Variants in SNRPB observed in about 807,000 individuals in gnomAD.
The protein encoded by SNRPB is small nuclear ribonucleoprotein-associated proteins B and B'.
A neutral mutation model predicts 26.6 loss-of-function variants in SNRPB; 5 were observed. The ratio of observed to expected loss-of-function variants is 0.19; its 90% CI spans 0.10 to 0.39. SNRPB has a LOEUF of 0.39. SNRPB is among the 10% of genes least tolerant of loss of function. The pLI is 1.00. For missense variants in SNRPB, 211 were observed against 311.9 expected (o/e 0.68, Z 2.44); for synonymous variants, 122 against 105.8 (o/e 1.15, Z -0.94).
chr20:2,467,394 C>G, intron 2 of SNRPB: 1 of 646,384 alleles, frequency 1.5e-6, no homozygotes, highest in African/African-American at 1.8e-5. Flanking sequence ...CCTAGCAGCC[C>G]TTCACAACTT....
Position 2,463,108 on chromosome 20 carries a change from G to A in SNRPB, c.540C>T (p.Gly180=), listed in dbSNP as rs1889590299. Residue 180 remains glycine, a synonymous_variant, in exon 5 of 7, where the codon GGC becomes GGT. Transcript: ENST00000381342. The surrounding 1 kb of genome is among the most constrained non-coding windows in gnomAD (Gnocchi z 5.0). The part of the protein sequence containing the change: ...PGRGGPPPPM[G]RGAPPPGMMG... ...CCTCACCTGGAGGGGGTGCTCCTCG[G>A]CCCATAGGTGGGGGAGGACCCCCAC... is the stretch of plus-strand genomic sequence containing the variant. 1 of 1,590,938 alleles carries A rather than the reference G, an allele frequency of 6.3e-7. No individual in the cohort carries two copies. Among genetic ancestry groups the A allele is most frequent in the Non-Finnish European group, 8.6e-7 (1 of 1,168,914 alleles).
chr20:2,466,592 G>A lies in SNRPB; in HGVS notation c.156-773C>T, dbSNP rs181661684. Among the ~76,000 whole-genome samples the A allele has an allele frequency of 2.8e-3, 430 of 152,218 alleles. 2 individuals are homozygous for A. The highest frequency in any genetic ancestry group is 3.0e-3 in the Non-Finnish European group (204 of 68,026). ...TATATTAACTGGTTGTCTGTGGATG[G>A]ACAGTTTTTCCCTTTTTTGGCTCAC... On this transcript the variant is annotated intron_variant, in intron 2 of 6. Transcript: ENST00000381342.
Position 2,462,699 on chromosome 20 carries a change from C to T in SNRPB, c.622G>A (p.Gly208Arg), listed in dbSNP as rs986571930. ...GGCATGCCCATTGGAGTCCCTCTTC[C>T]AGGGGGGATCCCCATTGGGGGACCC... ...PMGPPMGIPP[G>R]RGTPMGMPPP... The change falls in exon 6 of 7, where the codon GGA becomes AGA. Residue 208 changes from glycine to arginine, a missense_variant. Physicochemically the swap from Gly to Arg is moderately radical, Grantham distance 125. Transcript: ENST00000381342. 6.3e-7 allele frequency: 1 copy of T among 1,597,666 alleles called. No individual in the cohort carries two copies. Among genetic ancestry groups the T allele is most frequent in the Non-Finnish European group, 8.6e-7 (1 of 1,167,042 alleles).
rs774561427 is a variant in SNRPB, at chr20:2,467,680, T to G, written c.82A>C (p.Ile28Leu). 1.2e-6 allele frequency: 2 copies of G among 1,614,156 alleles called. No homozygotes were observed. Among genetic ancestry groups the G allele is most frequent in the South Asian group, 1.1e-5 (1 of 91,082 alleles). The change falls in exon 2 of 7, where the codon ATT becomes CTT. Residue 28 changes from isoleucine (I) to leucine (L), a missense_variant. Ile to Leu is a conservative substitution (Grantham distance 5). Coordinates refer to ENST00000381342, the MANE Select transcript of SNRPB (RefSeq NM_003091.4). ...TTGTCAAAAGCCTTGAAGGTGCCAA[T>G]GAAGATCCGGCCGTCCTGCAGGATG... ...RCILQDGRIF[I>L]GTFKAFDKHM...
chr20:2,465,514 A>T (rs2085067039), intron 3 of SNRPB, among the ~76,000 whole-genome samples, 194 bp downstream of exon 3: 1 of 150,690 alleles, frequency 6.6e-6, no homozygotes, highest in African/African-American at 2.4e-5. Flanking sequence ...CCTCCCTGAG[A>T]GCTGGGATTA....
intron 1 of SNRPB, among the ~76,000 whole-genome samples, chr20:2,468,818 C>G (rs560928712): frequency 1.3e-5 from 2 of 152,130 alleles, no homozygotes; most frequent in Admixed American, 6.5e-5. Context: ...CCCAGCTACT[C>G]GGGAGACTGA....
chr20:2,464,762 C>T (rs1314950928), intron 3 of SNRPB, among the ~76,000 whole-genome samples: 3 of 151,922 alleles, frequency 2.0e-5, no homozygotes, highest in Admixed American at 6.6e-5. Context: ...CCCCGCTACT[C>T]GGGAGGCTGA....
Position 2,461,838 on chromosome 20 carries a change from G to A in SNRPB, c.*91C>T. The A allele has an allele frequency of 6.2e-7, 1 of 1,613,956 alleles. No individual in the cohort carries two copies. Among genetic ancestry groups the A allele is most frequent in the Non-Finnish European group, 8.5e-7 (1 of 1,179,850 alleles). On this transcript the variant is annotated 3_prime_UTR_variant, in exon 7 of 7. Transcript: ENST00000381342. ...ATCCCATGAGACTCCACGAACAACAGCATAAGAAACAAACAGGTCTGTGGT... is the reference window on the plus strand; with the variant it reads ...ATCCCATGAGACTCCACGAACAACAACATAAGAAACAAACAGGTCTGTGGT...
At chr20:2,470,394 T>C (rs538603280) in intron 1 of SNRPB, among the ~76,000 whole-genome samples, 1 of 152,238 alleles carries the variant, frequency 6.6e-6, no homozygotes, top group Non-Finnish European at 1.5e-5. Flanking sequence ...AAAAGTTAAC[T>C]TAGTGCCTAC....
At position 2,463,230 on chromosome 20, in the gene SNRPB, A is replaced by T. The variant is rs1365876465; in HGVS notation, c.421-3T>A. 6.2e-7 allele frequency: 1 copy of T among 1,608,328 alleles called. No homozygotes were observed. Among genetic ancestry groups the T allele is most frequent in the Admixed American group, 1.7e-5 (1 of 60,002 alleles). ...CCTCTTCCTTGTGGGGTCATCACCT[A>T]AGAGGACATAAGAAGAAAGAGTTAG... On this transcript the variant is annotated splice_region_variant and splice_polypyrimidine_tract_variant and intron_variant, in intron 4 of 6. Coordinates refer to ENST00000381342, the MANE Select transcript of SNRPB (RefSeq NM_003091.4). This position sits in a 1 kb window ranked among gnomAD's most constrained non-coding sequence, Gnocchi z 5.0.
intron 2 of SNRPB, 84 bp downstream of exon 2, chr20:2,467,523 C>T (rs57429348): frequency 1.5e-6 from 2 of 1,292,952 alleles, no homozygotes; most frequent in Admixed American, 1.9e-5. Flanking sequence ...AACCAACTAG[C>T]TACATCACCA....
Position 2,461,649 on chromosome 20 carries a change from C to G in SNRPB, c.*280G>C. On this transcript the variant is annotated 3_prime_UTR_variant, in exon 7 of 7. Coordinates refer to ENST00000381342, the MANE Select transcript of SNRPB (RefSeq NM_003091.4). ...GATCCATAGGTGCAATTATAATGTT[C>G]TCTTAAGAGTTTATTATAAACCAGT... The G allele has an allele frequency of 1.4e-6, 1 of 728,396 alleles. No individual in the cohort carries two copies. The highest frequency in any genetic ancestry group is 2.2e-6 in the Non-Finnish European group (1 of 451,434). The allele number at this position is 728,396 out of a possible 1,614,324, so 45.1% of individuals were successfully genotyped here. A position where few individuals can be genotyped will look rare whatever the true frequency, so the allele number is the denominator to read the frequency against.
chr20:2,465,088 T>G (rs558674130), intron 3 of SNRPB, among the ~76,000 whole-genome samples: 80 of 152,256 alleles, frequency 5.3e-4, no homozygotes, highest in Non-Finnish European at 8.2e-4. Context: ...GATGAGAATT[T>G]ATCTCTAAAG....
In SNRPB at chr20:2,465,029, C is replaced by G. The variant is rs141784041; in HGVS notation, c.267+679G>C. On this transcript the variant is annotated intron_variant, in intron 3 of 6. Transcript: ENST00000381342. Reference sequence around the variant, plus strand: ...AAATGTCAGTTTCACCACTTAGTGGCTGTGGCACCTTGGGCAAGTTACTAA... The same window carrying G: ...AAATGTCAGTTTCACCACTTAGTGGGTGTGGCACCTTGGGCAAGTTACTAA... 2.6e-5 allele frequency among the ~76,000 whole-genome samples: 4 copies of G among 152,308 alleles called. No homozygotes were observed. In the East Asian group the frequency reaches 7.7e-4, roughly 29 times the overall value.
rs13040815 is a variant in SNRPB, at chr20:2,465,406, T to G, written c.267+302A>C. ...GGGTAACCTCTTTTTTTTTTTTTTGTCTTTTTTTTTTTCTTCCTTTTTCTG... is the reference window on the plus strand; with the variant it reads ...GGGTAACCTCTTTTTTTTTTTTTTGGCTTTTTTTTTTTCTTCCTTTTTCTG... On this transcript the variant is annotated intron_variant, in intron 3 of 6. Transcript: ENST00000381342. Among the ~76,000 whole-genome samples the G allele has an allele frequency of 2.1e-3, 96 of 46,468 alleles. 1 individual carries two copies. Among genetic ancestry groups the G allele is most frequent in the African/African-American group, 6.9e-3 (85 of 12,360 alleles). The allele number at this position is 46,468 out of a possible 152,430, so 30.5% of individuals were successfully genotyped here.
chr20:2,466,643 C>G (rs1225374846), intron 2 of SNRPB, among the ~76,000 whole-genome samples: 1 of 152,000 alleles, frequency 6.6e-6, no homozygotes, highest in East Asian at 1.9e-4. Flanking sequence ...AAAATAATAA[C>G]CATGTATTGT....
intron 3 of SNRPB, among the ~76,000 whole-genome samples, chr20:2,465,431 G>A (rs1168748119): frequency 7.5e-6 from 1 of 132,496 alleles, no homozygotes; most frequent in Admixed American, 7.9e-5. Context: ...TCCTTTTTCT[G>A]GAGAATGGGG....
intron 3 of SNRPB, among the ~76,000 whole-genome samples, 158 bp from the exon 4 acceptor site, chr20:2,464,057 C>T (rs1037943529): frequency 6.6e-6 from 1 of 152,252 alleles, no homozygotes; most frequent in Non-Finnish European, 1.5e-5. Context: ...ACCATTCTTC[C>T]TCCATCCAAG....
intron 1 of SNRPB, among the ~76,000 whole-genome samples, chr20:2,470,306 CG>C (rs1244911385): frequency 8.9e-5 from 8 of 89,864 alleles, no homozygotes; most frequent in African/African-American, 1.9e-4. Context: ...CACAAACTTC[CG>C]CAAGTCTGAG....
Sources: gnomAD v4.1 joint callset for allele counts (sites outside exome capture counted in the v4.1 genomes callset) on GRCh38, gnomAD v4.1.1 for gene constraint, Gnocchi (gnomAD v3.1) non-coding constraint, MANE v1.5 for transcripts, NCBI Gene and HGNC (gene_info 2026-07-23, HGNC 2026-07-21) for gene names.